The following SAMD12 variants were observed in gnomAD, a reference collection of about 807,000 sequenced individuals.
SAMD12 encodes sterile alpha motif domain containing 12.
In SAMD12, 9 loss-of-function variants were observed where a neutral mutation model predicts 15.0. That is an observed-to-expected ratio of 0.60 (90% confidence interval 0.36 to 1.05). The LOEUF (loss-of-function observed/expected upper bound fraction) is 1.05, where lower values mean the gene tolerates loss of function less well. Ranked by LOEUF, SAMD12 falls within the 50% of genes least tolerant of loss-of-function variation. SAMD12 has a pLI of 0.01. For synonymous variants in SAMD12, 86 were observed against 90.1 expected, an observed-to-expected ratio of 0.96 and a Z score of 0.25; for missense variants, 230 against 234.2, an observed-to-expected ratio of 0.98 and a Z score of 0.12.
At chr8:118,200,349 T>G (rs1057470108) in intron 4 of SAMD12, among the ~76,000 whole-genome samples, 2 of 148,652 alleles carry the variant, frequency 1.3e-5, no homozygotes, top group African/African-American at 5.0e-5. Context: ...CTGAGTAGGC[T>G]TCCGTGTTTA....
At chr8:118,163,007 G>A in the SAMD12 span, among the ~76,000 whole-genome samples, 1 of 152,170 alleles carries the variant, frequency 6.6e-6, no homozygotes, top group East Asian at 1.9e-4. Context: ...ACCTGATTTT[G>A]AGGGGTTAAG....
chr8:118,382,885 T>C (rs1819745100), intron 3 of SAMD12, among the ~76,000 whole-genome samples: 1 of 152,184 alleles, frequency 6.6e-6, no homozygotes, highest in African/African-American at 2.4e-5. Flanking sequence ...ATGATCTGTA[T>C]ACCAAAAATT....
chr8:118,578,984 T>C (rs73319351), intron 2 of SAMD12, among the ~76,000 whole-genome samples: 1,643 of 152,240 alleles, frequency 0.011, 33 homozygotes, highest in African/African-American at 0.037. Flanking sequence ...TCCACACTCA[T>C]TGAAGTATGT....
chr8:118,209,505 G>C (rs1819959142), intron 4 of SAMD12, among the ~76,000 whole-genome samples: 1 of 152,118 alleles, frequency 6.6e-6, no homozygotes, highest in South Asian at 2.1e-4. Context: ...GTGTGGACTG[G>C]GCTATTTCTT....
intron 3 of SAMD12, among the ~76,000 whole-genome samples, chr8:118,404,510 G>A (rs570248603): frequency 1.9e-4 from 29 of 152,174 alleles, no homozygotes; most frequent in Non-Finnish European, 3.4e-4. Flanking sequence ...AAAGCACCTT[G>A]ATTGTTTGCC....
At chr8:118,300,949 A>C (rs1345122806) in intron 4 of SAMD12, among the ~76,000 whole-genome samples, 1 of 152,208 alleles carries the variant, frequency 6.6e-6, no homozygotes, top group Non-Finnish European at 1.5e-5. Flanking sequence ...AAGTGCATGC[A>C]TTTTTGAGCA....
chr8:118,466,319 C>T (rs939034470), intron 2 of SAMD12, among the ~76,000 whole-genome samples: 4 of 152,182 alleles, frequency 2.6e-5, no homozygotes, highest in African/African-American at 9.7e-5. Context: ...TTGTTGAGTA[C>T]TTAGCACATG....
the SAMD12 span, among the ~76,000 whole-genome samples, chr8:118,147,901 A>ATT: frequency 2.1e-5 from 3 of 145,918 alleles, no homozygotes; most frequent in Non-Finnish European, 4.5e-5. Context: ...TCCTTGCTGA[A>ATT]TTTTTTTTTT....
At chr8:118,459,310 C>T (rs1284712126) in intron 2 of SAMD12, among the ~76,000 whole-genome samples, 1 of 152,128 alleles carries the variant, frequency 6.6e-6, no homozygotes, top group East Asian at 1.9e-4. Context: ...AAGTGATCTG[C>T]CCGCCTCAGC....
chr8:118,309,702 CAG>C (rs1815539725), intron 4 of SAMD12, among the ~76,000 whole-genome samples: 1 of 152,120 alleles, frequency 6.6e-6, no homozygotes, highest in Admixed American at 6.6e-5. Flanking sequence ...CCTTTGCTTA[CAG>C]AGTTATCTTT....
intron 4 of SAMD12, among the ~76,000 whole-genome samples, chr8:118,257,585 C>T (rs1812979061): frequency 1.3e-5 from 2 of 152,086 alleles, no homozygotes; most frequent in South Asian, 2.1e-4. Flanking sequence ...TACAGCATCC[C>T]TGGGTCATTC....
At chr8:118,548,699 G>C (rs560384437) in intron 2 of SAMD12, among the ~76,000 whole-genome samples, 2 of 152,216 alleles carry the variant, frequency 1.3e-5, no homozygotes, top group South Asian at 2.1e-4. Flanking sequence ...GCAGCGCACC[G>C]TGCGCGAGCC....
chr8:118,383,811 T>C (rs773020847), intron 3 of SAMD12, among the ~76,000 whole-genome samples: 1 of 152,176 alleles, frequency 6.6e-6, no homozygotes, highest in Non-Finnish European at 1.5e-5. Flanking sequence ...TTATTAATTA[T>C]TTATTGATCA....
chr8:118,412,081 C>T lies in SAMD12; in HGVS notation c.322+27751G>A, dbSNP rs28374352. Among the ~76,000 whole-genome samples the T allele has an allele frequency of 3.6e-3, 543 of 152,220 alleles. 9 individuals carry two copies. The highest frequency in any genetic ancestry group is 0.012 in the African/African-American group (514 of 41,510). On this transcript the variant is annotated intron_variant, in intron 3 of 3. Transcript: ENST00000314727. ...CACTTCATAGAAAAAGTTTACTAGC[C>T]CTCACCTAGAGGGTAAAGCCAAGAA...
At chr8:118,318,104 T>C (rs1816011450) in intron 4 of SAMD12, among the ~76,000 whole-genome samples, 1 of 151,842 alleles carries the variant, frequency 6.6e-6, no homozygotes, top group South Asian at 2.1e-4. Flanking sequence ...CTGGTGCGAA[T>C]GTAATTTACT....
chr8:118,288,972 G>T (rs1031731272), intron 4 of SAMD12, among the ~76,000 whole-genome samples: 9 of 152,156 alleles, frequency 5.9e-5, no homozygotes, highest in African/African-American at 2.2e-4. Context: ...TGGAATTGAG[G>T]CCAACAAAAT....
the SAMD12 span, among the ~76,000 whole-genome samples, chr8:118,135,577 C>T: frequency 6.6e-6 from 1 of 152,096 alleles, no homozygotes; most frequent in Non-Finnish European, 1.5e-5. Context: ...TGTTCTTGCT[C>T]TGTCACCCAG....
At chr8:118,555,954 T>C (rs995675239) in intron 2 of SAMD12, among the ~76,000 whole-genome samples, 2 of 152,202 alleles carry the variant, frequency 1.3e-5, no homozygotes, top group African/African-American at 2.4e-5. Flanking sequence ...GTCCTTGGTA[T>C]TTGGTGCTTT....
At chr8:118,197,619 C>T in exon 5 of SAMD12, 2 of 1,054,430 alleles carry the variant, frequency 1.9e-6, no homozygotes, top group Admixed American at 1.7e-5. Flanking sequence ...CCAAGGATAT[C>T]TTCTGGCAGT....
Sources: gnomAD v4.1 joint callset for allele counts (sites outside exome capture counted in the v4.1 genomes callset) on GRCh38, gnomAD v4.1.1 for gene constraint, MANE v1.5 for transcripts, NCBI Gene and HGNC (gene_info 2026-07-23, HGNC 2026-07-21) for gene names.